SLC8A1: variants seen among roughly 807,000 people sequenced by gnomAD.
SLC8A1 encodes the protein sodium/calcium exchanger 1.
In SLC8A1, 18 loss-of-function variants were observed where a neutral mutation model predicts 68.3. The ratio of observed to expected loss-of-function variants is 0.26; its 90% CI spans 0.18 to 0.39. The LOEUF is 0.39. Among genes scored for constraint, SLC8A1 ranks in the 10% least tolerant of loss-of-function variants. SLC8A1 has a pLI of 1.00. For synonymous variants in SLC8A1, 475 were observed against 415.5 expected, an observed-to-expected ratio of 1.14 and a Z score of -1.74; for missense variants, 985 against 1,156.7, an observed-to-expected ratio of 0.85 and a Z score of 2.15.
At chr2:40,383,272 T>A (rs1036513459) in intron 2 of SLC8A1, among the ~76,000 whole-genome samples, 1 of 152,142 alleles carries the variant, frequency 6.6e-6, no homozygotes, top group Non-Finnish European at 1.5e-5. Context: ...CACTTGTCAC[T>A]TAGTAACTTT....
chr2:40,316,288 T>G (rs1452844676), intron 2 of SLC8A1, among the ~76,000 whole-genome samples: 1 of 152,026 alleles, frequency 6.6e-6, no homozygotes, highest in Admixed American at 6.6e-5. Context: ...GCAACTTGGA[T>G]GTTGAAAAGA....
intron 2 of SLC8A1, among the ~76,000 whole-genome samples, chr2:40,362,914 A>T (rs1401932687): frequency 6.6e-6 from 1 of 152,066 alleles, no homozygotes; most frequent in African/African-American, 2.4e-5. Flanking sequence ...ATTTTTTGTT[A>T]TTTGAGACTA....
rs184113320 is a variant in SLC8A1, at chr2:40,299,860, T to G, written c.1809-122005A>C. Among the ~76,000 whole-genome samples, 74 of 152,126 alleles carry G rather than the reference T, an allele frequency of 4.9e-4. No individual in the cohort carries two copies. In the East Asian group the frequency reaches 0.013, roughly 27 times the overall value. ...TCTCTCCCTACTAATCGGTTTAGAG[T>G]TGTGTTGACAAAATAGTGGCAAAAT... On this transcript the variant is annotated intron_variant, in intron 2 of 7. Coordinates refer to ENST00000406785, the Ensembl canonical transcript of SLC8A1.
chr2:40,338,009 G>A (rs1180838745), intron 2 of SLC8A1, among the ~76,000 whole-genome samples: 1 of 152,116 alleles, frequency 6.6e-6, no homozygotes, highest in African/African-American at 2.4e-5. Flanking sequence ...CCCAGCTCAG[G>A]AAGCAAAGGC....
At chr2:40,167,798 T>C (rs1352627249) in intron 4 of SLC8A1, among the ~76,000 whole-genome samples, 1 of 152,182 alleles carries the variant, frequency 6.6e-6, no homozygotes, top group Non-Finnish European at 1.5e-5. Flanking sequence ...ATTAATTCCT[T>C]AATATTCGTT....
At chr2:40,483,414 G>A (rs1315356467) in intron 1 of SLC8A1, among the ~76,000 whole-genome samples, 2 of 152,012 alleles carry the variant, frequency 1.3e-5, no homozygotes, top group Non-Finnish European at 2.9e-5. Flanking sequence ...GGTGAGATAG[G>A]TATAAAGTTA....
intron 2 of SLC8A1, among the ~76,000 whole-genome samples, chr2:40,397,451 G>T (rs923304562): frequency 4.6e-5 from 7 of 152,186 alleles, no homozygotes; most frequent in African/African-American, 1.4e-4. Flanking sequence ...TAGGGAAGAG[G>T]AATTGCTGCA....
At chr2:40,198,454 TTTAA>T (rs577777375) in intron 2 of SLC8A1, among the ~76,000 whole-genome samples, 1 of 151,994 alleles carries the variant, frequency 6.6e-6, no homozygotes, top group Non-Finnish European at 1.5e-5. Flanking sequence ...TGGTGACATA[TTTAA>T]TTAATTCATA....
chr2:40,276,714 T>A (rs549442066), intron 2 of SLC8A1, among the ~76,000 whole-genome samples: 31 of 152,364 alleles, frequency 2.0e-4, no homozygotes, highest in African/African-American at 6.7e-4. Flanking sequence ...ACCTCTTTAA[T>A]CTTTCAAAAT....
At chr2:40,381,268 C>T (rs985997355) in intron 2 of SLC8A1, among the ~76,000 whole-genome samples, 5 of 151,976 alleles carry the variant, frequency 3.3e-5, no homozygotes, top group Non-Finnish European at 7.4e-5. Flanking sequence ...TTTCCCAATC[C>T]ACTACATGCT....
chr2:40,199,721 C>G (rs766162471), intron 2 of SLC8A1, among the ~76,000 whole-genome samples: 14 of 151,630 alleles, frequency 9.2e-5, no homozygotes, highest in Admixed American at 2.0e-4. Flanking sequence ...AAAACTCAGC[C>G]ATAGAGTTTG....
chr2:40,230,269 A>T (rs184037626), intron 2 of SLC8A1, among the ~76,000 whole-genome samples: 2 of 152,156 alleles, frequency 1.3e-5, no homozygotes, highest in African/African-American at 2.4e-5. Context: ...TGTTTATAGA[A>T]ATCCTTGGCT....
chr2:40,437,728 C>T (rs4245783), intron 1 of SLC8A1, among the ~76,000 whole-genome samples: 83,998 of 151,802 alleles, frequency 0.55, 25,167 homozygotes, highest in East Asian at 0.9. Flanking sequence ...GGTCATTTTT[C>T]TTAACATCTT....
At chr2:40,482,662 C>A (rs183697479) in intron 1 of SLC8A1, among the ~76,000 whole-genome samples, 70 of 152,338 alleles carry the variant, frequency 4.6e-4, no homozygotes, top group Non-Finnish European at 5.9e-5. Flanking sequence ...TGAATCCAGA[C>A]AGCCTGTCTC....
chr2:40,414,330 G>T (rs1292926243), intron 2 of SLC8A1, among the ~76,000 whole-genome samples: 1 of 152,168 alleles, frequency 6.6e-6, no homozygotes, highest in Non-Finnish European at 1.5e-5. Context: ...AGCCATATAT[G>T]AGGTCCCTCA....
At chr2:40,206,842 A>G (rs2055548218) in intron 2 of SLC8A1, among the ~76,000 whole-genome samples, 1 of 152,066 alleles carries the variant, frequency 6.6e-6, no homozygotes, top group Admixed American at 6.6e-5. Context: ...CTCGGCGAAA[A>G]TGGTTTTCAT....
intron 6 of SLC8A1, among the ~76,000 whole-genome samples, chr2:40,144,197 A>C (rs1459197962): frequency 6.6e-6 from 1 of 152,176 alleles, no homozygotes; most frequent in African/African-American, 2.4e-5. Context: ...CATTTCCCCA[A>C]GCTGCTTGCT....
chr2:40,364,259 G>C (rs898421905), intron 2 of SLC8A1, among the ~76,000 whole-genome samples: 5 of 151,910 alleles, frequency 3.3e-5, no homozygotes, highest in Admixed American at 6.6e-5. Context: ...TGGGAATATA[G>C]AGAAACAAAA....
At chr2:40,411,952 C>G (rs181384252) in intron 2 of SLC8A1, among the ~76,000 whole-genome samples, 3 of 152,144 alleles carry the variant, frequency 2.0e-5, no homozygotes, top group Non-Finnish European at 4.4e-5. Flanking sequence ...ATAGTTCTAA[C>G]CTTTTTGTAC....
Sources: gnomAD v4.1 joint callset for allele counts (sites outside exome capture counted in the v4.1 genomes callset) on GRCh38, gnomAD v4.1.1 for gene constraint, MANE v1.5 for transcripts, NCBI Gene and HGNC (gene_info 2026-07-23, HGNC 2026-07-21) for gene names.